UBR2: variants seen among roughly 807,000 people sequenced by gnomAD.
UBR2 encodes E3 ubiquitin-protein ligase UBR2.
Under a neutral mutation model 247.9 loss-of-function variants are expected in UBR2, and 92 were observed. The observed-to-expected ratio is 0.37, with a 90% CI of 0.31 to 0.44. UBR2 has a LOEUF of 0.44. Ranked by LOEUF, UBR2 falls within the 20% of genes least tolerant of loss-of-function variation. The pLI, the probability that UBR2 is intolerant of heterozygous loss-of-function variation, is 1.00. For missense variants in UBR2, 1,613 were observed against 2,112.6 expected, an observed-to-expected ratio of 0.76 and a Z score of 4.64; for synonymous variants, 672 against 693.5, an observed-to-expected ratio of 0.97 and a Z score of 0.49.
Position 42,658,119 on chromosome 6 carries a change from C to A in UBR2, c.2968C>A (p.Arg990=), listed in dbSNP as rs369490670. The A allele has an allele frequency of 1.2e-6, 2 of 1,613,848 alleles. No homozygotes were observed. Among genetic ancestry groups the A allele is most frequent in the Non-Finnish European group, 1.7e-6 (2 of 1,179,880 alleles). Residue 990 remains arginine (R), a synonymous_variant, in exon 27 of 47, where the codon CGG becomes AGG. Coordinates refer to ENST00000372901, the MANE Select transcript of UBR2 (RefSeq NM_001363705.2). The part of the protein sequence containing the change: ...PYLEVHKDMI[R]WILKTFNAVK... ...CCTAGAAGTCCACAAAGACATGATT[C>A]GGTGGATATTGAAGGTAAAATTTCC...
intron 8 of UBR2, 31 bp from the exon 9 acceptor site, chr6:42,615,040 T>A: frequency 6.4e-7 from 1 of 1,561,046 alleles, no homozygotes; most frequent in South Asian, 1.1e-5. Flanking sequence ...TTGAAGTTGC[T>A]ATCTCATTCT....
At chr6:42,668,717 C>G (rs1798261123) in intron 34 of UBR2, among the ~76,000 whole-genome samples, 1 of 151,982 alleles carries the variant, frequency 6.6e-6, no homozygotes, top group African/African-American at 2.4e-5. Flanking sequence ...GCTGCAATTA[C>G]AGTCATCAGC....
intron 4 of UBR2, among the ~76,000 whole-genome samples, chr6:42,602,675 A>G (rs1793460361): frequency 6.7e-6 from 1 of 148,636 alleles, no homozygotes; most frequent in Non-Finnish European, 1.5e-5. Flanking sequence ...TAAAATATAT[A>G]CTTTATAAAA....
At chr6:42,678,136 A>G (rs1582716808) in intron 40 of UBR2, among the ~76,000 whole-genome samples, 1 of 152,214 alleles carries the variant, frequency 6.6e-6, no homozygotes, top group Non-Finnish European at 1.5e-5. Flanking sequence ...GGAGATCGAG[A>G]CCATCCTGGC....
At chr6:42,579,152 A>G (rs116647187) in intron 2 of UBR2, among the ~76,000 whole-genome samples, 695 of 152,338 alleles carry the variant, frequency 4.6e-3, no homozygotes, top group Non-Finnish European at 8.2e-3. Flanking sequence ...CAAGCATGGC[A>G]TAAACATTTG....
At chr6:42,585,835 A>G (rs1175198779) in intron 2 of UBR2, among the ~76,000 whole-genome samples, 15 of 152,188 alleles carry the variant, frequency 9.9e-5, no homozygotes, top group Non-Finnish European at 1.5e-5. Flanking sequence ...GTCAAATAAT[A>G]AGTTTTTAGC....
chr6:42,686,122 C>T (rs868555289), intron 44 of UBR2, among the ~76,000 whole-genome samples: 5 of 150,318 alleles, frequency 3.3e-5, no homozygotes, highest in Admixed American at 6.6e-5. Context: ...GGGTGTTTCT[C>T]GGAGGGGGGG....
intron 4 of UBR2, among the ~76,000 whole-genome samples, chr6:42,598,572 T>C (rs1793154393): frequency 6.6e-6 from 1 of 151,926 alleles, no homozygotes; most frequent in Non-Finnish European, 1.5e-5. Context: ...CCCCTTGGGG[T>C]GTGGGAGTGA....
chr6:42,595,451 A>T (rs944685674), intron 4 of UBR2, among the ~76,000 whole-genome samples: 1 of 152,194 alleles, frequency 6.6e-6, no homozygotes, highest in African/African-American at 2.4e-5. Context: ...GTGGACATCA[A>T]TAGTCCTTCC....
At position 42,665,495 on chromosome 6, in the gene UBR2, A is replaced by G. The variant is rs1017467244; in HGVS notation, c.3785A>G (p.Lys1262Arg). Residue 1262 changes from lysine to arginine, a missense_variant, in exon 33 of 47, where the codon AAA becomes AGA. This residue lies in a region of UBR2 where 1,524 missense variants were observed against 1,967.3 expected (regional missense o/e 0.77). Transcript: ENST00000372901. ...ATAAAAGCATTACAGTTTCTTAGGA[A>G]AGAAGAAAGTACTCCTAGTAAGTTC... ...QQIKALQFLR[K>R]EESTPNNAST... 1 of 1,611,444 alleles carries G rather than the reference A, an allele frequency of 6.2e-7. No individual in the cohort carries two copies. Among genetic ancestry groups the G allele is most frequent in the Non-Finnish European group, 8.5e-7 (1 of 1,178,294 alleles).
At chr6:42,670,845 G>A (rs1798382606) in intron 36 of UBR2, 130 bp downstream of exon 36, 2 of 651,160 alleles carry the variant, frequency 3.1e-6, no homozygotes, top group Non-Finnish European at 5.2e-6. Context: ...CCCATTTTCT[G>A]TAAGGATATT....
intron 20 of UBR2, 120 bp from the exon 21 acceptor site, chr6:42,645,346 T>G: frequency 2.1e-6 from 2 of 951,646 alleles, no homozygotes; most frequent in Non-Finnish European, 1.6e-6. Context: ...CAGTCATTAC[T>G]TTCCCATTGC....
intron 9 of UBR2, 57 bp from the exon 10 acceptor site, chr6:42,615,945 T>G: frequency 1.8e-4 from 236 of 1,286,874 alleles, no homozygotes; most frequent in Non-Finnish European, 2.3e-4. Flanking sequence ...ACATAACACT[T>G]GAGAAATGTA....
chr6:42,620,605 A>C (rs569913260), intron 11 of UBR2, among the ~76,000 whole-genome samples: 5 of 148,654 alleles, frequency 3.4e-5, no homozygotes, highest in Non-Finnish European at 7.4e-5. Flanking sequence ...CTGGGACTAC[A>C]TGCGTGCCCA....
At chr6:42,682,187 T>C (rs1181241513) in intron 42 of UBR2, among the ~76,000 whole-genome samples, 1 of 152,150 alleles carries the variant, frequency 6.6e-6, no homozygotes, top group Admixed American at 6.5e-5. Context: ...TGATTCCACT[T>C]CACTGAGGTA....
In UBR2 at chr6:42,683,038, C is replaced by T; in HGVS notation, c.4719-17C>T. The T allele has an allele frequency of 6.2e-7, 1 of 1,609,870 alleles. No individual in the cohort carries two copies. Among genetic ancestry groups the T allele is most frequent in the African/African-American group, 1.3e-5 (1 of 74,770 alleles). On this transcript the variant is annotated splice_polypyrimidine_tract_variant and intron_variant, in intron 42 of 46. Transcript: ENST00000372901. ...TTAAAAGTGTTTTGTGTTTTTCCCCCTCTGTTTACATTAAAGTTGGTGCCG... is the reference window on the plus strand; with the variant it reads ...TTAAAAGTGTTTTGTGTTTTTCCCCTTCTGTTTACATTAAAGTTGGTGCCG...
In UBR2 at chr6:42,605,753, T is replaced by G; in HGVS notation, c.695T>G (p.Phe232Cys). Residue 232 changes from phenylalanine to cysteine, a missense_variant, in exon 6 of 47, where the codon TTT becomes TGT. Physicochemically the swap from Phe to Cys is radical, Grantham distance 205. Transcript: ENST00000372901. ...EKSDTYYCML[F>C]NDEVHTYEQV... Reference sequence around the variant, plus strand: ...AGTGACACCTACTATTGCATGCTGTTTAATGATGAGGTTCACACCTATGAA... The same window carrying G: ...AGTGACACCTACTATTGCATGCTGTGTAATGATGAGGTTCACACCTATGAA... 2 of 1,611,848 alleles carry G rather than the reference T, an allele frequency of 1.2e-6. No homozygotes were observed. The highest frequency in any genetic ancestry group is 1.7e-6 in the Non-Finnish European group (2 of 1,179,240).
intron 44 of UBR2, 25 bp downstream of exon 44, chr6:42,684,896 C>T (rs779882444): frequency 1.3e-6 from 2 of 1,573,526 alleles, no homozygotes; most frequent in East Asian, 4.5e-5. Flanking sequence ...TAGCATTGAA[C>T]ATTCCCTGCC....
At chr6:42,583,309 G>A (rs1053955137) in intron 2 of UBR2, among the ~76,000 whole-genome samples, 10 of 151,382 alleles carry the variant, frequency 6.6e-5, no homozygotes, top group Non-Finnish European at 1.0e-4. Context: ...GTGCAATAGC[G>A]CAGTCTCGGC....
Sources: allele counts gnomAD v4.1 joint callset (sites outside exome capture counted in the v4.1 genomes callset), GRCh38; gene constraint gnomAD v4.1.1; regional missense constraint gnomAD v4.1.1; transcripts MANE v1.5; gene names NCBI Gene and HGNC (gene_info 2026-07-23, HGNC 2026-07-21).